IGSF10: variants seen among roughly 807,000 people sequenced by gnomAD.
IGSF10 encodes the protein immunoglobulin superfamily member 10, also known as calvaria mechanical force protein 608.
Under a neutral mutation model 128.2 loss-of-function variants are expected in IGSF10, and 126 were observed. The ratio of observed to expected loss-of-function variants is 0.98; its 90% CI spans 0.85 to 1.14. IGSF10 has a LOEUF of 1.14. IGSF10 is among the 50% of genes most tolerant of loss of function. The pLI, the probability that IGSF10 is intolerant of heterozygous loss-of-function variation, is 0.00. For missense variants in IGSF10, 3,295 were observed against 3,149.8 expected, an observed-to-expected ratio of 1.05 and a Z score of -1.10; for synonymous variants, 1,185 against 1,146.2, an observed-to-expected ratio of 1.03 and a Z score of -0.68.
the IGSF10 span, among the ~76,000 whole-genome samples, chr3:151,583,355 A>C: frequency 2.6e-5 from 4 of 152,228 alleles, no homozygotes; most frequent in African/African-American, 9.6e-5. Context: ...AAGCATAGTA[A>C]TAGCCAAATT....
At chr3:151,603,455 G>C in the IGSF10 span, among the ~76,000 whole-genome samples, 11 of 152,204 alleles carry the variant, frequency 7.2e-5, no homozygotes, top group Non-Finnish European at 5.9e-5. Context: ...TCTTCTAAGA[G>C]GCTAGCTCCT....
chr3:151,534,801 A>ATGTGTG, the IGSF10 span, among the ~76,000 whole-genome samples: 24,675 of 148,974 alleles, frequency 0.17, 2,380 homozygotes, highest in South Asian at 0.26. Context: ...TTTAAAGTGT[A>ATGTGTG]TGTGTGTGTG....
In IGSF10 at chr3:151,446,774, C is replaced by T; in HGVS notation, c.3207G>A (p.Arg1069=). 1 of 1,614,042 alleles carries T rather than the reference C, an allele frequency of 6.2e-7. No individual in the cohort carries two copies. Among genetic ancestry groups the T allele is most frequent in the Non-Finnish European group, 8.5e-7 (1 of 1,179,984 alleles). ...LNVTCLSCLP[R]ERLTTATAAL... is the part of the protein sequence containing the mutation. ...CTGCTGTGGCAGTGGTGAGCCTCTCCCTGGGAAGACAGGACAGACATGTCA... is the reference window on the plus strand; with the variant it reads ...CTGCTGTGGCAGTGGTGAGCCTCTCTCTGGGAAGACAGGACAGACATGTCA... The change falls in exon 6 of 8, where the codon AGG becomes AGA. Residue 1069 remains arginine, a synonymous_variant. Transcript: ENST00000282466.
At chr3:151,505,739 A>G in the IGSF10 span, among the ~76,000 whole-genome samples, 1 of 152,220 alleles carries the variant, frequency 6.6e-6, no homozygotes, top group African/African-American at 2.4e-5. Flanking sequence ...GCCTATTAAT[A>G]TGCAGAAGTT....
the IGSF10 span, among the ~76,000 whole-genome samples, chr3:151,493,397 AC>A: frequency 2.0e-5 from 3 of 152,042 alleles, no homozygotes; most frequent in African/African-American, 7.2e-5. Context: ...TCAACGATGG[AC>A]CCCCATATAC....
At chr3:151,465,267 T>C (rs988557321), upstream of IGSF10, among the ~76,000 whole-genome samples, 3 of 152,196 alleles carry the variant, frequency 2.0e-5, no homozygotes, top group Non-Finnish European at 4.4e-5. Flanking sequence ...CTGAAGTAGA[T>C]AAAAGTTAGA....
upstream of IGSF10, among the ~76,000 whole-genome samples, chr3:151,464,601 A>G (rs1011709784): frequency 6.6e-6 from 1 of 152,230 alleles, no homozygotes; most frequent in African/African-American, 2.4e-5. Flanking sequence ...ACTGACTTAT[A>G]TATGTGTCAA....
chr3:151,579,398 T>C, the IGSF10 span, among the ~76,000 whole-genome samples: 12 of 152,166 alleles, frequency 7.9e-5, no homozygotes, highest in Non-Finnish European at 1.5e-4. Flanking sequence ...AGCCTTCAGG[T>C]AGAGAATTTA....
At chr3:151,565,058 A>G in the IGSF10 span, among the ~76,000 whole-genome samples, 6 of 152,188 alleles carry the variant, frequency 3.9e-5, no homozygotes, top group African/African-American at 1.4e-4. Flanking sequence ...CAGTCAGGCA[A>G]TCTGGTTCTG....
At chr3:151,461,899 T>C (rs2108585121), upstream of IGSF10, among the ~76,000 whole-genome samples, 1 of 152,350 alleles carries the variant, frequency 6.6e-6, no homozygotes, top group Admixed American at 6.5e-5. Flanking sequence ...GTGTGACAAA[T>C]GGCAATATTT....
chr3:151,612,951 CT>C, the IGSF10 span, among the ~76,000 whole-genome samples: 13 of 152,094 alleles, frequency 8.5e-5, no homozygotes, highest in African/African-American at 3.1e-4. Flanking sequence ...ATTAGTTCAA[CT>C]TTTGTGTAAA....
At chr3:151,440,650 A>G (rs976605063) in intron 7 of IGSF10, 6 of 456,568 alleles carry the variant, frequency 1.3e-5, no homozygotes, top group African/African-American at 4.0e-5. Context: ...AATGCTTTCT[A>G]AAAGTATTGG....
At chr3:151,500,699 A>G in the IGSF10 span, among the ~76,000 whole-genome samples, 22 of 152,148 alleles carry the variant, frequency 1.4e-4, no homozygotes, top group Non-Finnish European at 2.6e-4. Flanking sequence ...GTGGTTACAA[A>G]GAAGCATTTC....
At chr3:151,499,970 T>C in the IGSF10 span, among the ~76,000 whole-genome samples, 1 of 152,148 alleles carries the variant, frequency 6.6e-6, no homozygotes, top group Non-Finnish European at 1.5e-5. Context: ...ATGAAAGAAA[T>C]TGTAGTGTAA....
chr3:151,461,983 A>G (rs1334738918), upstream of IGSF10, among the ~76,000 whole-genome samples: 1 of 152,200 alleles, frequency 6.6e-6, no homozygotes, highest in Non-Finnish European at 1.5e-5. Flanking sequence ...TTAAATCATT[A>G]TCACAGAACC....
chr3:151,599,563 T>G, the IGSF10 span, among the ~76,000 whole-genome samples: 2 of 152,260 alleles, frequency 1.3e-5, no homozygotes, highest in South Asian at 4.1e-4. Flanking sequence ...TATTGCGTCT[T>G]TTTTGTGGAC....
the IGSF10 span, among the ~76,000 whole-genome samples, chr3:151,558,026 T>TTATATATATATA: frequency 1.5e-4 from 4 of 27,482 alleles, no homozygotes; most frequent in African/African-American, 2.1e-4. Flanking sequence ...ATAATATATA[T>TTATATATATATA]ATTGGTACAA....
Position 151,438,146 on chromosome 3 carries a change from C to CTGT in IGSF10, c.6412_6414dup (p.Thr2138dup), listed in dbSNP as rs770833547. 1.9e-6 allele frequency: 3 copies of CTGT among 1,614,148 alleles called. No homozygotes were observed. The highest frequency in any genetic ancestry group is 1.7e-6 in the Non-Finnish European group (2 of 1,180,004). On this transcript the variant is annotated inframe_insertion, in exon 8 of 8. Transcript: ENST00000282466. Reference sequence around the variant, plus strand: ...TTACTCTGCCTTATCCGGGGAGCAGCTGTTATAACTGTTAAGTGGACCTTC... The same window carrying CTGT: ...TTACTCTGCCTTATCCGGGGAGCAGCTGTTGTTATAACTGTTAAGTGGACCTTC...
the IGSF10 span, among the ~76,000 whole-genome samples, chr3:151,481,934 C>T: frequency 6.6e-6 from 1 of 152,216 alleles, no homozygotes; most frequent in Non-Finnish European, 1.5e-5. Context: ...TCATCGCTAA[C>T]ATTGATCACA....
Sources: gnomAD v4.1 joint callset for allele counts (sites outside exome capture counted in the v4.1 genomes callset) on GRCh38, gnomAD v4.1.1 for gene constraint, MANE v1.5 for transcripts, NCBI Gene and HGNC (gene_info 2026-07-23, HGNC 2026-07-21) for gene names.